Variants in GPM6A observed in about 807,000 individuals in gnomAD.
The protein encoded by GPM6A is neuronal membrane glycoprotein M6-a.
A neutral mutation model predicts 32.1 loss-of-function variants in GPM6A; 7 were observed. The observed-to-expected ratio is 0.22, with a 90% CI of 0.12 to 0.41. GPM6A has a LOEUF of 0.41. Among genes scored for constraint, GPM6A ranks in the 10% least tolerant of loss-of-function variants. The pLI is 1.00. For missense variants in GPM6A, 235 were observed against 347.2 expected, an observed-to-expected ratio of 0.68 and a Z score of 2.57; for synonymous variants, 130 against 123.4, an observed-to-expected ratio of 1.05 and a Z score of -0.35.
intron 1 of GPM6A, among the ~76,000 whole-genome samples, chr4:175,851,188 C>T (rs1009707177): frequency 6.6e-6 from 1 of 151,950 alleles, no homozygotes; most frequent in Non-Finnish European, 1.5e-5. Flanking sequence ...GAAACCCCGT[C>T]TCTACTAAAA....
chr4:175,982,930 C>T (rs571141282), intron 1 of GPM6A, among the ~76,000 whole-genome samples: 13 of 152,084 alleles, frequency 8.5e-5, no homozygotes, highest in East Asian at 3.9e-4. Context: ...TCTGCATAAA[C>T]GGCATGTACA....
At chr4:175,765,425 G>T (rs1226285838) in intron 1 of GPM6A, among the ~76,000 whole-genome samples, 1 of 152,094 alleles carries the variant, frequency 6.6e-6, no homozygotes, top group Admixed American at 6.6e-5. Context: ...TATGTATTTT[G>T]TGAGTACATG....
chr4:175,946,350 A>G (rs1009234965), intron 1 of GPM6A, among the ~76,000 whole-genome samples: 1 of 152,194 alleles, frequency 6.6e-6, no homozygotes, highest in African/African-American at 2.4e-5. Context: ...ACCAATATCA[A>G]GCACCTGCCT....
intron 1 of GPM6A, among the ~76,000 whole-genome samples, chr4:175,827,538 A>G (rs1050144382): frequency 1.3e-5 from 2 of 152,320 alleles, no homozygotes; most frequent in East Asian, 3.9e-4. Context: ...TCTTCATCAT[A>G]ACACTGCTTC....
At chr4:175,849,855 C>A (rs920306784) in intron 1 of GPM6A, among the ~76,000 whole-genome samples, 1 of 151,886 alleles carries the variant, frequency 6.6e-6, no homozygotes, top group Non-Finnish European at 1.5e-5. Flanking sequence ...GATATTATCT[C>A]ATTTGAGTCT....
chr4:175,637,627 ATATATATAT>A (rs1417857251), intron 6 of GPM6A, among the ~76,000 whole-genome samples: 9 of 13,598 alleles, frequency 6.6e-4, no homozygotes, highest in Admixed American at 6.6e-3. Context: ...AATATATATT[ATATATATAT>A]TATATATTAT....
intron 1 of GPM6A, among the ~76,000 whole-genome samples, chr4:175,734,890 C>A (rs527685835): frequency 2.0e-5 from 3 of 152,056 alleles, no homozygotes; most frequent in South Asian, 4.2e-4. Flanking sequence ...ACTTTACCAA[C>A]CTTATTCCTT....
chr4:175,887,765 G>A (rs1260294217), intron 1 of GPM6A, among the ~76,000 whole-genome samples: 2 of 151,772 alleles, frequency 1.3e-5, no homozygotes, highest in African/African-American at 4.8e-5. Context: ...TGTTGAAAAT[G>A]TTGATGAAAT....
At chr4:175,945,648 ATAAG>A (rs1420443416) in intron 1 of GPM6A, among the ~76,000 whole-genome samples, 6 of 148,762 alleles carry the variant, frequency 4.0e-5, no homozygotes, top group African/African-American at 1.5e-4. Flanking sequence ...AATATAACTT[ATAAG>A]TAATATAAGT....
intron 1 of GPM6A, among the ~76,000 whole-genome samples, chr4:175,848,519 G>GAT: frequency 6.6e-6 from 1 of 152,194 alleles, no homozygotes; most frequent in South Asian, 2.1e-4. Flanking sequence ...AGTTGTAATA[G>GAT]ATGCCTTTAG....
intron 4 of GPM6A, among the ~76,000 whole-genome samples, chr4:175,649,183 C>T (rs1013967205): frequency 6.6e-6 from 1 of 152,126 alleles, no homozygotes; most frequent in African/African-American, 2.4e-5. Context: ...TTCTTTTAGA[C>T]CAGACAGCTG....
Position 175,851,480 on chromosome 4 carries a change from G to A in GPM6A, c.-22-39231C>T, listed in dbSNP as rs145981230. Among the ~76,000 whole-genome samples the A allele has an allele frequency of 3.0e-3, 412 of 139,012 alleles. 1 individual carries two copies. Among genetic ancestry groups the A allele is most frequent in the African/African-American group, 0.011 (396 of 37,308 alleles). The allele number at this position is 139,012 out of a possible 152,430, so 91.2% of individuals were successfully genotyped here. A position where few individuals can be genotyped will look rare whatever the true frequency, so the allele number is the denominator to read the frequency against. ...AGCCCGGGTGACAGGGTGAGACTCCGTCTCAAAAAAAAAAAAAAAAAAGAC... is the reference window on the plus strand; with the variant it reads ...AGCCCGGGTGACAGGGTGAGACTCCATCTCAAAAAAAAAAAAAAAAAAGAC... On this transcript the variant is annotated intron_variant, in intron 1 of 7. Coordinates refer to the GPM6A transcript ENST00000280187.
At chr4:175,818,018 C>T (rs1287335606) in intron 1 of GPM6A, among the ~76,000 whole-genome samples, 1 of 152,108 alleles carries the variant, frequency 6.6e-6, no homozygotes, top group Non-Finnish European at 1.5e-5. Flanking sequence ...TCTTTCTTAC[C>T]AAGACCTTTC....
At chr4:175,722,204 T>A (rs1411506122) in intron 1 of GPM6A, among the ~76,000 whole-genome samples, 1 of 152,034 alleles carries the variant, frequency 6.6e-6, no homozygotes, top group Non-Finnish European at 1.5e-5. Context: ...GGAGGATCCC[T>A]TGAGCCCAGG....
At chr4:175,912,869 T>G (rs1008227128) in intron 1 of GPM6A, among the ~76,000 whole-genome samples, 1 of 152,168 alleles carries the variant, frequency 6.6e-6, no homozygotes, top group Non-Finnish European at 1.5e-5. Flanking sequence ...ACCTTGTAGG[T>G]GATAAATAAA....
At chr4:176,000,267 G>A (rs1021441885) in intron 1 of GPM6A, among the ~76,000 whole-genome samples, 1 of 152,128 alleles carries the variant, frequency 6.6e-6, no homozygotes, top group Admixed American at 6.6e-5. Context: ...TCCACTTCTG[G>A]CAGTAGAAGG....
chr4:175,680,262 T>A (rs1007420427), intron 2 of GPM6A, among the ~76,000 whole-genome samples: 4 of 152,272 alleles, frequency 2.6e-5, no homozygotes, highest in African/African-American at 4.8e-5. Flanking sequence ...GCTACAGGGA[T>A]TTTTATTGCT....
At chr4:175,702,130 A>G (rs771633636) in intron 1 of GPM6A, among the ~76,000 whole-genome samples, 25 of 152,082 alleles carry the variant, frequency 1.6e-4, no homozygotes, top group Non-Finnish European at 3.2e-4. Flanking sequence ...TTTTATTTCA[A>G]TGGTATTTAT....
intron 1 of GPM6A, chr4:175,798,769 T>C (rs1041967854): frequency 2.6e-5 from 4 of 151,756 alleles, no homozygotes; most frequent in African/African-American, 9.7e-5. Context: ...TCAGAACAAA[T>C]GTAACCCACA....
Sources: gnomAD v4.1 joint callset for allele counts (sites outside exome capture counted in the v4.1 genomes callset) on GRCh38, gnomAD v4.1.1 for gene constraint, MANE v1.5 for transcripts, NCBI Gene and HGNC (gene_info 2026-07-23, HGNC 2026-07-21) for gene names.